Variants in SV2A observed in about 807,000 individuals in gnomAD.
The protein encoded by SV2A is synaptic vesicle glycoprotein 2A.
A neutral mutation model predicts 78.0 loss-of-function variants in SV2A; 25 were observed. That is an observed-to-expected ratio of 0.32 (90% CI 0.23 to 0.45). The LOEUF (loss-of-function observed/expected upper bound fraction) is 0.45. SV2A is among the 20% of genes least tolerant of loss of function. The pLI, the probability that SV2A is intolerant of heterozygous loss-of-function variation, is 1.00. For synonymous variants in SV2A, 355 were observed against 384.7 expected, an observed-to-expected ratio of 0.92 and a Z score of 0.90; for missense variants, 752 against 971.5, an observed-to-expected ratio of 0.77 and a Z score of 3.00.
chr1:149,914,354 T>C (rs182208608), intron 1 of SV2A, among the ~76,000 whole-genome samples, 167 bp from the exon 2 acceptor site: 39 of 152,314 alleles, frequency 2.6e-4, no homozygotes, highest in Admixed American at 2.3e-3. Context: ...CTATCTGGGC[T>C]AACCGGGTCA....
Position 149,909,512 on chromosome 1 carries a change from T to C in SV2A, c.1239A>G (p.Thr413=). 3 of 1,613,980 alleles carry C rather than the reference T, an allele frequency of 1.9e-6. No individual in the cohort carries two copies. The highest frequency in any genetic ancestry group is 2.5e-6 in the Non-Finnish European group (3 of 1,179,978). The part of the protein sequence containing the change: ...EDELIEIQSD[T]GTWYQRWGVR... ...CCCCCCAGCGCTGGTACCAGGTCCC[T>C]GTGTCCGACTGGATCTCAATCAATT... Residue 413 remains threonine, a synonymous_variant, in exon 7 of 13, where the codon ACA becomes ACG. Coordinates refer to ENST00000369146, the MANE Select transcript of SV2A (RefSeq NM_014849.5).
rs2092490691 is a variant in SV2A at position 149,913,553 on chromosome 1, C to T, written c.288G>A (p.Gly96=). Reference sequence around the variant, plus strand: ...CTGCCCGGGGAATGCCCTGATATTCCCCTTCATAGATCTCATCATCCTCGT... The same window carrying T: ...CTGCCCGGGGAATGCCCTGATATTCTCCTTCATAGATCTCATCATCCTCGT... ...GHDEDDEIYE[G]EYQGIPRAES... Residue 96 remains glycine, a synonymous_variant, in exon 2 of 13, where the codon GGG becomes GGA. Transcript: ENST00000369146. The T allele has an allele frequency of 6.2e-7, 1 of 1,613,836 alleles. No homozygotes were observed. Among genetic ancestry groups the T allele is most frequent in the African/African-American group, 1.3e-5 (1 of 74,844 alleles).
chr1:149,911,755 A>C (rs1553763801), intron 3 of SV2A, 45 bp downstream of exon 3: 1 of 1,586,100 alleles, frequency 6.3e-7, no homozygotes, highest in Non-Finnish European at 8.6e-7. Context: ...AACAGTGACC[A>C]AGGCACAGTC....
rs1163641043 is a variant in SV2A at position 149,906,735 on chromosome 1, C to T, written c.1800G>A (p.Val600=). Residue 600 remains valine (V), a synonymous_variant, in exon 11 of 13, where the codon GTG becomes GTA. Coordinates refer to ENST00000369146, the MANE Select transcript of SV2A (RefSeq NM_014849.5). ...GCACTGCCAGTGTCCCCAGGAAGCT[C>T]ACAAAGTATACCATGTAGGCACCTT... ...TGEGAYMVYF[V]SFLGTLAVLP... The T allele has an allele frequency of 6.2e-7, 1 of 1,614,130 alleles. No individual in the cohort carries two copies. Among genetic ancestry groups the T allele is most frequent in the East Asian group, 2.2e-5 (1 of 44,900 alleles).
rs1254436638 is a variant in SV2A at position 149,911,898 on chromosome 1, C to A, written c.705G>T (p.Leu235=). ...LADRLGRRQC[L]LISLSVNSVF... is the part of the protein sequence containing the mutation. ...CGCTGTTGACTGAGAGCGAGATGAG[C>A]AGACACTGCCTCCGACCCAGCCGGT... Residue 235 remains leucine (L), a synonymous_variant, in exon 3 of 13, where the codon CTG becomes CTT. Transcript: ENST00000369146. 6.2e-7 allele frequency: 1 copy of A among 1,614,070 alleles called. No individual in the cohort carries two copies. The highest frequency in any genetic ancestry group is 8.5e-7 in the Non-Finnish European group (1 of 1,180,046).
At position 149,904,775 on chromosome 1, in the gene SV2A, G is replaced by A. The variant is rs2092424490; in HGVS notation, c.*239C>T. On this transcript the variant is annotated 3_prime_UTR_variant, in exon 13 of 13. Transcript: ENST00000369146. Reference sequence around the variant, plus strand: ...TCAGCCTTCTCTTGTGCAAAGTCAAGGGCAGTGGGAAATGGGGAGTACAGC... The same window carrying A: ...TCAGCCTTCTCTTGTGCAAAGTCAAAGGCAGTGGGAAATGGGGAGTACAGC... 6.3e-6 allele frequency: 3 copies of A among 473,062 alleles called. No homozygotes were observed. The highest frequency in any genetic ancestry group is 3.5e-5 in the South Asian group (1 of 28,744). The allele number at this position is 473,062 out of a possible 1,614,324, so 29.3% of individuals were successfully genotyped here.
intron 8 of SV2A, 62 bp from the exon 9 acceptor site, chr1:149,908,268 A>G: frequency 6.4e-7 from 1 of 1,568,436 alleles, no homozygotes; most frequent in Non-Finnish European, 8.7e-7. Flanking sequence ...AGAGATTAGA[A>G]TCAGGCAGAG....
In SV2A at chr1:149,904,831, C is replaced by G; in HGVS notation, c.*183G>C. 3.2e-6 allele frequency: 2 copies of G among 624,840 alleles called. No individual in the cohort carries two copies. The allele number at this position is 624,840 out of a possible 1,614,324, so 38.7% of individuals were successfully genotyped here. A position where few individuals can be genotyped will look rare whatever the true frequency, so the allele number is the denominator to read the frequency against. On this transcript the variant is annotated 3_prime_UTR_variant, in exon 13 of 13. Transcript: ENST00000369146. Reference sequence around the variant, plus strand: ...CTCAAAACTGGGATGAAGGAGCCTTCCCTGTAGTCCCTGCCCACGGGGTTT... The same window carrying G: ...CTCAAAACTGGGATGAAGGAGCCTTGCCTGTAGTCCCTGCCCACGGGGTTT...
At position 149,908,585 on chromosome 1, in the gene SV2A, TG is replaced by T. The variant is rs1332480026; in HGVS notation, c.1380-380del. Among the ~76,000 whole-genome samples the T allele has an allele frequency of 1.7e-4, 24 of 141,106 alleles. 1 individual carries two copies. The Admixed American group carries it at 1.7e-3, about 10-fold the overall frequency. The allele number at this position is 141,106 out of a possible 152,430, so 92.6% of individuals were successfully genotyped here. A position where few individuals can be genotyped will look rare whatever the true frequency, so the allele number is the denominator to read the frequency against. ...CAGCCCAAGCCCCAAGTGCTCCCAC[TG>T]CCCTTCCCCCACCCTTCTCTCATCA... On this transcript the variant is annotated intron_variant, in intron 8 of 12. Transcript: ENST00000369146.
Position 149,905,080 on chromosome 1 carries a change from A to G in SV2A, c.2163T>C (p.Ala721=), listed in dbSNP as rs782009929. 4 of 1,613,364 alleles carry G rather than the reference A, an allele frequency of 2.5e-6. No individual in the cohort carries two copies. The South Asian group carries it at 4.4e-5, about 18-fold the overall frequency. ...CCAGAGAGCTGCCAAGGGCAAGGGC[A>G]GCTGAGGCAAAGAGGATGGGTGCAG... ...TKAAPILFAS[A]ALALGSSLAL... is the part of the protein sequence containing the mutation. The change falls in exon 13 of 13, where the codon GCT becomes GCC. Residue 721 remains alanine (A), a synonymous_variant. Coordinates refer to ENST00000369146, the MANE Select transcript of SV2A (RefSeq NM_014849.5).
At chr1:149,908,945 C>G (rs77945114) in intron 8 of SV2A, among the ~76,000 whole-genome samples, 5,208 of 152,224 alleles carry the variant, frequency 0.034, 305 homozygotes, top group African/African-American at 0.12. Context: ...AAAACATAAA[C>G]TCCAGGAGGA....
chr1:149,907,989 G>A, intron 9 of SV2A, 53 bp downstream of exon 9: 6 of 1,595,908 alleles, frequency 3.8e-6, no homozygotes, highest in Non-Finnish European at 5.1e-6. Flanking sequence ...ACTCATAAAA[G>A]AGACGAGGTA....
chr1:149,907,800 A>G lies in SV2A; in HGVS notation c.1578T>C (p.Phe526=), dbSNP rs1290871926. The G allele has an allele frequency of 6.2e-7, 1 of 1,614,046 alleles. No individual in the cohort carries two copies. Among genetic ancestry groups the G allele is most frequent in the African/African-American group, 1.3e-5 (1 of 74,920 alleles). The part of the protein sequence containing the change: ...FIGLRLKSVS[F]EDSLFEECYF... The stretch of plus-strand genomic sequence containing the variant: ...AACACTCTTCAAACAGGGAATCCTC[A>G]AAGGACACTGACTTGAGCCGCAGCC... The change falls in exon 10 of 13, where the codon TTT becomes TTC. Residue 526 remains phenylalanine (F), a synonymous_variant. Transcript: ENST00000369146.
intron 12 of SV2A, 139 bp from the exon 13 acceptor site, chr1:149,905,336 G>T: frequency 1.4e-6 from 1 of 705,152 alleles, no homozygotes; most frequent in African/African-American, 1.8e-5. Flanking sequence ...GATCAGAGAG[G>T]TAAAGGATGT....
intron 1 of SV2A, among the ~76,000 whole-genome samples, chr1:149,916,422 C>A (rs1438439137): frequency 6.6e-6 from 1 of 152,190 alleles, no homozygotes; most frequent in Non-Finnish European, 1.5e-5. Context: ...GTGGCTAAGC[C>A]TGGGGGAGTG....
rs2092428557 is a variant in SV2A at position 149,905,125 on chromosome 1, G to A, written c.2118C>T (p.Ser706=). 2.5e-6 allele frequency: 4 copies of A among 1,612,634 alleles called. No individual in the cohort carries two copies. The highest frequency in any genetic ancestry group is 3.4e-6 in the Non-Finnish European group (4 of 1,179,516). ...GTGCAGCCTTGGTGATTCCCACGAA[G>A]GATGTGAAGATGCTGATCCCCAGCA... The part of the protein sequence containing the change: ...AAVLGISIFT[S]FVGITKAAPI... The change falls in exon 13 of 13, where the codon TCC becomes TCT. Residue 706 remains serine, a synonymous_variant. Transcript: ENST00000369146.
intron 10 of SV2A, 103 bp downstream of exon 10, chr1:149,907,597 G>C (rs2092446788): frequency 4.2e-6 from 6 of 1,428,560 alleles, no homozygotes; most frequent in Non-Finnish European, 5.6e-6. Context: ...AGGGGTCCAG[G>C]GATCTCAGCT....
At position 149,911,847 on chromosome 1, in the gene SV2A, G is replaced by A. The variant is rs782616016; in HGVS notation, c.756C>T (p.Val252=). The part of the protein sequence containing the change: ...NSVFAFFSSF[V]QGYGTFLFCR... ...AGAAGAGGAAAGTGCCGTAACCCTG[G>A]ACAAAAGATGAGAAGAAGGCGAAGA... The change falls in exon 3 of 13, where the codon GTC becomes GTT. Residue 252 remains valine (V), a synonymous_variant. Coordinates refer to ENST00000369146, the MANE Select transcript of SV2A (RefSeq NM_014849.5). 1 of 1,614,164 alleles carries A rather than the reference G, an allele frequency of 6.2e-7. No individual in the cohort carries two copies. Among genetic ancestry groups the A allele is most frequent in the South Asian group, 1.1e-5 (1 of 91,078 alleles).
At chr1:149,905,322 G>A in intron 12 of SV2A, 125 bp from the exon 13 acceptor site, 1 of 798,398 alleles carries the variant, frequency 1.3e-6, no homozygotes, top group Non-Finnish European at 2.0e-6. Context: ...GAGAAGGTTG[G>A]AGAGATCAGA....
Sources: gnomAD v4.1 joint callset for allele counts (sites outside exome capture counted in the v4.1 genomes callset) on GRCh38, gnomAD v4.1.1 for gene constraint, MANE v1.5 for transcripts, NCBI Gene and HGNC (gene_info 2026-07-23, HGNC 2026-07-21) for gene names.